The following KIF21B variants were observed in gnomAD, a reference collection of about 807,000 sequenced individuals.
KIF21B encodes kinesin-like protein KIF21B.
KIF21B carries 85 observed loss-of-function variants against 192.9 expected under a neutral mutation model. The observed-to-expected ratio is 0.44, with a 90% CI of 0.37 to 0.53. The LOEUF is 0.53. KIF21B is among the 20% of genes least tolerant of loss of function. The probability of loss-of-function intolerance (pLI) is 0.00; values close to 1 mark genes in which losing one functional copy is unlikely to be tolerated. For missense variants in KIF21B, 1,716 were observed against 2,194.8 expected (o/e 0.78, Z 4.36); for synonymous variants, 832 against 884.6 (o/e 0.94, Z 1.05).
chr1:201,022,784 G>T (rs1195929924), intron 1 of KIF21B, among the ~76,000 whole-genome samples: 1 of 152,196 alleles, frequency 6.6e-6, no homozygotes, highest in African/African-American at 2.4e-5. Context: ...GGACAGGACT[G>T]GTAGGATTCT....
At position 200,988,295 on chromosome 1, in the gene KIF21B, C is replaced by A. The variant is rs1558005870; in HGVS notation, c.3408+1G>T. The A allele has an allele frequency of 6.2e-7, 1 of 1,613,792 alleles. No individual in the cohort carries two copies. Among genetic ancestry groups the A allele is most frequent in the Non-Finnish European group, 8.5e-7 (1 of 1,179,988 alleles). On this transcript the variant is annotated splice_donor_variant, in intron 24 of 34. Coordinates refer to ENST00000461742, the MANE Select transcript of KIF21B (RefSeq NM_001252102.2). LOFTEE classifies it high-confidence loss of function. ...ACTGCCTGACTTCCGGCGGGGCTCA[C>A]CTTGAACTTGAAATCGTCATGGCTG...
rs1251584164 is a variant in KIF21B at position 200,973,186 on chromosome 1, C to G, written c.*335G>C. 3 of 264,688 alleles carry G rather than the reference C, an allele frequency of 1.1e-5. No homozygotes were observed. Among genetic ancestry groups the G allele is most frequent in the Non-Finnish European group, 1.4e-5 (2 of 141,906 alleles). The allele number at this position is 264,688 out of a possible 1,614,324, so 16.4% of individuals were successfully genotyped here. A position where few individuals can be genotyped will look rare whatever the true frequency, so the allele number is the denominator to read the frequency against. On this transcript the variant is annotated 3_prime_UTR_variant, in exon 35 of 35. Coordinates refer to ENST00000461742, the MANE Select transcript of KIF21B (RefSeq NM_001252102.2). Reference sequence around the variant, plus strand: ...TGCACCTCCCCACAGGGCTCCACCACTGGGCCAAAGGCCTGAGAAAGGGGC... The same window carrying G: ...TGCACCTCCCCACAGGGCTCCACCAGTGGGCCAAAGGCCTGAGAAAGGGGC...
At position 201,002,026 on chromosome 1, in the gene KIF21B, G is replaced by GA. The variant is rs796794098; in HGVS notation, c.1402+134dup. 69 of 721,230 alleles carry GA rather than the reference G, an allele frequency of 9.6e-5. 1 individual carries two copies. The highest frequency in any genetic ancestry group is 1.4e-4 in the African/African-American group (8 of 56,154). 44.7% of individuals were successfully genotyped at this position (721,230 alleles called of 1,614,324 possible). ...ATACAAAAATGTTTTAAAATCAAGT[G>GA]AAAAAAAATGCATAAATGAGTTGAA... On this transcript the variant is annotated intron_variant, in intron 9 of 34. Transcript: ENST00000461742.
At chr1:200,996,919 AC>A (rs2102426916) in intron 14 of KIF21B, among the ~76,000 whole-genome samples, 2 of 152,246 alleles carry the variant, frequency 1.3e-5, no homozygotes, top group East Asian at 3.9e-4. Flanking sequence ...ACACAGCATC[AC>A]GCTCCTTCCA....
chr1:200,991,817 C>A, intron 16 of KIF21B, 92 bp from the exon 17 acceptor site: 1 of 1,340,546 alleles, frequency 7.5e-7, no homozygotes, highest in South Asian at 1.3e-5. Context: ...AGTTGAAAGC[C>A]TGGGCTTCAG....
chr1:201,016,275 T>C (rs1177305743), intron 1 of KIF21B, among the ~76,000 whole-genome samples: 1 of 152,228 alleles, frequency 6.6e-6, no homozygotes, highest in African/African-American at 2.4e-5. Flanking sequence ...GGACTGATCC[T>C]ACGGACAGCT....
chr1:201,002,395 G>C, intron 8 of KIF21B, 45 bp from the exon 9 acceptor site: 4 of 1,571,668 alleles, frequency 2.5e-6, no homozygotes, highest in Non-Finnish European at 3.5e-6. Flanking sequence ...CAGAGCTCGC[G>C]GTTGGGGGGG....
chr1:201,012,601 A>T (rs988587832), intron 1 of KIF21B, among the ~76,000 whole-genome samples: 3 of 151,900 alleles, frequency 2.0e-5, no homozygotes, highest in African/African-American at 7.3e-5. Context: ...ATGCCCTTCC[A>T]TTCCTCAAGC....
chr1:200,994,721 C>A (rs1387792558), intron 15 of KIF21B, among the ~76,000 whole-genome samples: 2 of 152,362 alleles, frequency 1.3e-5, no homozygotes, highest in African/African-American at 4.8e-5. Context: ...GCAATGGCAT[C>A]AGCTGGGAAC....
intron 24 of KIF21B, 131 bp downstream of exon 24, chr1:200,988,165 G>T: frequency 2.2e-6 from 2 of 909,932 alleles, no homozygotes; most frequent in African/African-American, 1.6e-5. Context: ...AAATTTTCTT[G>T]GCACCTCCCT....
chr1:201,015,026 A>G (rs1420910838), intron 1 of KIF21B, among the ~76,000 whole-genome samples: 6 of 152,166 alleles, frequency 3.9e-5, no homozygotes, highest in Non-Finnish European at 8.8e-5. Context: ...CCTCTCATAG[A>G]CACTATCTAG....
At position 200,998,301 on chromosome 1, in the gene KIF21B, C is replaced by T. The variant is rs149259877; in HGVS notation, c.2077+83G>A. On this transcript the variant is annotated intron_variant, in intron 14 of 34. Transcript: ENST00000461742. The surrounding 1 kb of genome is among the most constrained non-coding windows in gnomAD (Gnocchi z 4.3). ...GCCTAGAAGGCCAGGATAACCCCAA[C>T]ACACCAGCTGCTTTTGACAGAGGAG... The T allele has an allele frequency of 2.6e-3, 3,668 of 1,388,486 alleles. 94 individuals carry two copies. The East Asian group carries it at 0.058, about 22-fold the overall frequency. The allele number at this position is 1,388,486 out of a possible 1,614,324, so 86.0% of individuals were successfully genotyped here.
chr1:200,976,331 A>T (rs937383623), intron 32 of KIF21B, among the ~76,000 whole-genome samples: 3 of 152,142 alleles, frequency 2.0e-5, no homozygotes, highest in Non-Finnish European at 4.4e-5. Flanking sequence ...ACCTCAAGTG[A>T]TCCTCCCACC....
At chr1:201,007,455 T>C (rs1199206800) in intron 3 of KIF21B, among the ~76,000 whole-genome samples, 304 of 53,804 alleles carry the variant, frequency 5.7e-3, no homozygotes, top group Middle Eastern at 0.014. Context: ...CACACAAACA[T>C]ACACACACAC....
rs1015224828 is a variant in KIF21B at position 200,974,738 on chromosome 1, G to T, written c.4790C>A (p.Ala1597Asp). Residue 1597 changes from alanine (A) to aspartate (D), a missense_variant, in exon 34 of 35, where the codon GCC (alanine) becomes GAC (aspartate). By Grantham distance (126) the Ala-to-Asp change is moderately radical (BLOSUM62 -2). Coordinates refer to ENST00000461742, the MANE Select transcript of KIF21B (RefSeq NM_001252102.2). ...CCTGGAGGCTGTGAAGATATGCTTG[G>T]CATTGGTGCAGATGGCATTGATGGG... The part of the protein sequence containing the change: ...DSPINAICTN[A>D]KHIFTASSDL... 1 of 1,614,068 alleles carries T rather than the reference G, an allele frequency of 6.2e-7. No homozygotes were observed. Among genetic ancestry groups the T allele is most frequent in the African/African-American group, 1.3e-5 (1 of 74,924 alleles).
chr1:201,018,362 C>A, intron 1 of KIF21B, among the ~76,000 whole-genome samples: 1 of 152,308 alleles, frequency 6.6e-6, no homozygotes, highest in Non-Finnish European at 1.5e-5. Context: ...GATGACAGCA[C>A]GGATTTAGGA....
rs377163913 is a variant in KIF21B at position 200,984,283 on chromosome 1, A to G, written c.3803+576T>C. Among the ~76,000 whole-genome samples the G allele has an allele frequency of 3.2e-4, 49 of 152,348 alleles. No homozygotes were observed. The East Asian group carries it at 6.0e-3, about 19-fold the overall frequency. On this transcript the variant is annotated intron_variant, in intron 27 of 34. Transcript: ENST00000461742. ...AATTCTCGTGGTTGTTTCATAGCCT[A>G]ATGAAATCACATATATGAAAGCAGG... is the stretch of plus-strand genomic sequence containing the variant.
chr1:200,992,298 T>C lies in KIF21B; in HGVS notation c.2369A>G (p.Glu790Gly), dbSNP rs1343341204. 1 of 1,612,388 alleles carries C rather than the reference T, an allele frequency of 6.2e-7. No individual in the cohort carries two copies. Among genetic ancestry groups the C allele is most frequent in the Admixed American group, 1.7e-5 (1 of 60,028 alleles). ...ACCCCTCACCTCCTGTCGCCGCTGC[T>C]CCTTCTTGAGCTGTGCGATCTCCCG... ...RNREIAQLKK[E>G]QRRQEFQIRA... The change falls in exon 16 of 35, where the codon GAG becomes GGG. Residue 790 changes from glutamate to glycine, a missense_variant. Physicochemically the swap from Glu to Gly is moderately conservative, Grantham distance 98. Coordinates refer to ENST00000461742, the MANE Select transcript of KIF21B (RefSeq NM_001252102.2).
At chr1:200,986,651 C>A (rs918227397) in intron 26 of KIF21B, among the ~76,000 whole-genome samples, 193 bp downstream of exon 26, 1 of 152,232 alleles carries the variant, frequency 6.6e-6, no homozygotes, top group African/African-American at 2.4e-5. Context: ...AGCCATCACG[C>A]CTGGCCCATT....
Sources: allele counts gnomAD v4.1 joint callset (sites outside exome capture counted in the v4.1 genomes callset), GRCh38; gene constraint gnomAD v4.1.1; non-coding constraint Gnocchi (gnomAD v3.1); transcripts MANE v1.5; gene names NCBI Gene and HGNC (gene_info 2026-07-23, HGNC 2026-07-21).